SLAIN1: variants seen among roughly 807,000 people sequenced by gnomAD.
SLAIN1 encodes SLAIN family member 1, also known as SLAIN motif-containing protein 1.
Under a neutral mutation model 55.4 loss-of-function variants are expected in SLAIN1, and 17 were observed. The observed-to-expected ratio is 0.31, with a 90% CI of 0.21 to 0.46. The LOEUF is 0.46. Among genes scored for constraint, SLAIN1 ranks in the 20% least tolerant of loss-of-function variants. The pLI, the probability that SLAIN1 is intolerant of heterozygous loss-of-function variation, is 1.00. For synonymous variants in SLAIN1, 348 were observed against 337.4 expected (o/e 1.03, Z -0.35); for missense variants, 682 against 785.1 (o/e 0.87, Z 1.57).
At position 77,698,095 on chromosome 13, in the gene SLAIN1, T is replaced by TGCTGCC; in HGVS notation, c.185_190dup (p.Leu62_Pro63dup). ...GCGGCCGCCGCCCCGCACCTGCTGC[T>TGCTGCC]GCTGCCGCCGCCGCCGCCCGCCGCG... On this transcript the variant is annotated inframe_insertion, in exon 1 of 7. Transcript: ENST00000418532. The surrounding 1 kb of genome is among the most constrained non-coding windows in gnomAD (Gnocchi z 4.1). The TGCTGCC allele has an allele frequency of 8.6e-7, 1 of 1,165,308 alleles. No homozygotes were observed. Among genetic ancestry groups the TGCTGCC allele is most frequent in the Non-Finnish European group, 1.1e-6 (1 of 950,838 alleles). 72.2% of individuals were successfully genotyped at this position (1,165,308 alleles called of 1,614,324 possible). A position where few individuals can be genotyped will look rare whatever the true frequency, so the allele number is the denominator to read the frequency against.
chr13:77,726,843 A>C (rs557954774), intron 2 of SLAIN1, among the ~76,000 whole-genome samples: 7 of 152,238 alleles, frequency 4.6e-5, no homozygotes, highest in Non-Finnish European at 8.8e-5. Context: ...AAGTTACTTA[A>C]GTTTTCTCAG....
chr13:77,704,285 C>T (rs1413352115), intron 1 of SLAIN1, among the ~76,000 whole-genome samples: 1 of 68,906 alleles, frequency 1.5e-5, no homozygotes, highest in Non-Finnish European at 3.4e-5. Flanking sequence ...AAAATATATA[C>T]ATAGGTTTTA....
chr13:77,731,712 CAG>C (rs1187328330), intron 2 of SLAIN1, among the ~76,000 whole-genome samples: 3 of 151,974 alleles, frequency 2.0e-5, no homozygotes, highest in African/African-American at 7.3e-5. Flanking sequence ...AGCTATAAAA[CAG>C]AATGAAAATC....
At chr13:77,707,957 G>C (rs73231041) in intron 1 of SLAIN1, among the ~76,000 whole-genome samples, 1,690 of 152,284 alleles carry the variant, frequency 0.011, 20 homozygotes, top group Non-Finnish European at 0.018. Flanking sequence ...TGGGATTCCA[G>C]TTGTCCCTTA....
intron 2 of SLAIN1, among the ~76,000 whole-genome samples, chr13:77,721,955 T>C (rs7333763): frequency 0.13 from 18,431 of 147,136 alleles, 2,113 homozygotes; most frequent in African/African-American, 0.31. Flanking sequence ...ATATAAGCAT[T>C]ATGTCATTTG....
At chr13:77,714,190 A>C (rs2091183164) in intron 1 of SLAIN1, among the ~76,000 whole-genome samples, 2 of 152,082 alleles carry the variant, frequency 1.3e-5, no homozygotes, top group Admixed American at 6.6e-5. Context: ...AATAAGGAAA[A>C]TTGGTGAAAA....
At chr13:77,759,180 AT>A (rs1328721222) in intron 5 of SLAIN1, among the ~76,000 whole-genome samples, 1 of 151,766 alleles carries the variant, frequency 6.6e-6, no homozygotes, top group East Asian at 1.9e-4. Flanking sequence ...ATTTTATTTT[AT>A]TTTTTATAGA....
rs1040160089 is a variant in SLAIN1, at chr13:77,698,463, C to T, written c.550C>T (p.Pro184Ser). 3.5e-5 allele frequency: 51 copies of T among 1,446,780 alleles called. No individual in the cohort carries two copies. Among genetic ancestry groups the T allele is most frequent in the Non-Finnish European group, 4.4e-5 (49 of 1,105,098 alleles). 89.6% of individuals were successfully genotyped at this position (1,446,780 alleles called of 1,614,324 possible). Reference sequence around the variant, plus strand: ...AGCTGCAGCGCCGCCCTCGCCGCCCCCCACGCTGCTGGACGAGGTGGAATT... The same window carrying T: ...AGCTGCAGCGCCGCCCTCGCCGCCCTCCACGCTGCTGGACGAGGTGGAATT... The part of the protein sequence containing the change: ...GAAAAPPSPP[P>S]TLLDEVELLD... The change falls in exon 1 of 7, where the codon CCC (proline) becomes TCC (serine). Residue 184 changes from proline to serine, a missense_variant. Physicochemically the swap from Pro to Ser is moderately conservative, Grantham distance 74. This residue lies in a region of SLAIN1 where 401 missense variants were observed against 417.3 expected (regional missense o/e 0.96). Transcript: ENST00000418532. This position sits in a 1 kb window ranked among gnomAD's most constrained non-coding sequence, Gnocchi z 4.1.
At chr13:77,739,920 TAA>T (rs1433845531) in intron 2 of SLAIN1, among the ~76,000 whole-genome samples, 3 of 152,046 alleles carry the variant, frequency 2.0e-5, no homozygotes, top group Admixed American at 6.6e-5. Flanking sequence ...GTACAAAAAA[TAA>T]GAGACCGTTA....
chr13:77,759,158 A>G (rs1007779278), intron 5 of SLAIN1, among the ~76,000 whole-genome samples: 2 of 151,968 alleles, frequency 1.3e-5, no homozygotes, highest in Non-Finnish European at 2.9e-5. Flanking sequence ...TTGGTTAAGT[A>G]TATTTCTAAG....
At chr13:77,721,205 T>C (rs1200893302) in intron 2 of SLAIN1, among the ~76,000 whole-genome samples, 1 of 152,120 alleles carries the variant, frequency 6.6e-6, no homozygotes, top group Non-Finnish European at 1.5e-5. Flanking sequence ...GTGTTAAGTG[T>C]GGCACTTCCT....
At chr13:77,706,006 AT>A (rs1321896311) in intron 1 of SLAIN1, among the ~76,000 whole-genome samples, 1 of 152,120 alleles carries the variant, frequency 6.6e-6, no homozygotes, top group Non-Finnish European at 1.5e-5. Context: ...TCAAAATAAT[AT>A]AATAACATGT....
chr13:77,724,743 TC>T (rs1423880526), intron 2 of SLAIN1, among the ~76,000 whole-genome samples: 1 of 146,846 alleles, frequency 6.8e-6, no homozygotes, highest in East Asian at 1.9e-4. Flanking sequence ...AAAGCATTTT[TC>T]TTTTTTTTAT....
intron 2 of SLAIN1, chr13:77,741,064 G>A: frequency 1.4e-6 from 1 of 705,432 alleles, no homozygotes; most frequent in Non-Finnish European, 1.7e-6. Flanking sequence ...ATTGTGCAGG[G>A]AGGCTGGGTC....
At chr13:77,755,454 T>G (rs1388761722) in intron 5 of SLAIN1, among the ~76,000 whole-genome samples, 1 of 152,106 alleles carries the variant, frequency 6.6e-6, no homozygotes, top group Non-Finnish European at 1.5e-5. Context: ...CAGATTTGAG[T>G]GCCAGAAAAA....
At chr13:77,737,092 A>ATT (rs34604920) in intron 2 of SLAIN1, among the ~76,000 whole-genome samples, 3 of 150,334 alleles carry the variant, frequency 2.0e-5, no homozygotes, top group Non-Finnish European at 3.0e-5. Context: ...AGTTCAACTA[A>ATT]TTTTTTTTTT....
chr13:77,723,189 C>A (rs910712829), intron 2 of SLAIN1, among the ~76,000 whole-genome samples: 1 of 152,190 alleles, frequency 6.6e-6, no homozygotes, highest in Admixed American at 6.5e-5. Flanking sequence ...GTATGAGACA[C>A]ATAAATCCAA....
At chr13:77,748,514 TC>T (rs1873997048) in intron 4 of SLAIN1, among the ~76,000 whole-genome samples, 1 of 150,750 alleles carries the variant, frequency 6.6e-6, no homozygotes, top group Non-Finnish European at 1.5e-5. Context: ...ATCATTTTTC[TC>T]CGCTTAGCTG....
intron 2 of SLAIN1, among the ~76,000 whole-genome samples, chr13:77,738,088 T>A (rs1873216341): frequency 6.6e-6 from 1 of 152,044 alleles, no homozygotes; most frequent in Non-Finnish European, 1.5e-5. Flanking sequence ...GCTTGGAGAC[T>A]GACCTTTGAA....
Sources: allele counts gnomAD v4.1 joint callset (sites outside exome capture counted in the v4.1 genomes callset), GRCh38; gene constraint gnomAD v4.1.1; regional missense constraint gnomAD v4.1.1; non-coding constraint Gnocchi (gnomAD v3.1); transcripts MANE v1.5; gene names NCBI Gene and HGNC (gene_info 2026-07-23, HGNC 2026-07-21).